The following VPS13A variants were observed in gnomAD, a reference collection of about 807,000 sequenced individuals.
The protein encoded by VPS13A is intermembrane lipid transfer protein VPS13A.
Under a neutral mutation model 390.9 loss-of-function variants are expected in VPS13A, and 264 were observed. The ratio of observed to expected loss-of-function variants is 0.68; its 90% CI spans 0.61 to 0.75. The LOEUF (loss-of-function observed/expected upper bound fraction) is 0.75. VPS13A is among the 30% of genes least tolerant of loss of function. The pLI is 0.00. For synonymous variants in VPS13A, 1,231 were observed against 1,227.1 expected (o/e 1.00, Z -0.07); for missense variants, 3,409 against 3,733.9 (o/e 0.91, Z 2.27).
At chr9:77,291,306 C>T (rs536611946) in intron 31 of VPS13A, among the ~76,000 whole-genome samples, 45 of 152,242 alleles carry the variant, frequency 3.0e-4, no homozygotes, top group Non-Finnish European at 5.0e-4. Flanking sequence ...CACCCTCCAA[C>T]CCCCCAGCCC....
intron 1 of VPS13A, among the ~76,000 whole-genome samples, chr9:77,197,979 A>G (rs1825101257): frequency 6.6e-6 from 1 of 152,198 alleles, no homozygotes; most frequent in Non-Finnish European, 1.5e-5. Context: ...CCATTAATTC[A>G]GTGAAAATAC....
chr9:77,232,224 A>G (rs1823870385), intron 17 of VPS13A, among the ~76,000 whole-genome samples: 1 of 152,084 alleles, frequency 6.6e-6, no homozygotes, highest in Non-Finnish European at 1.5e-5. Context: ...CTGCTCTTTC[A>G]AGAATGTTTT....
At position 77,393,930 on chromosome 9, in the gene VPS13A, G is replaced by T. The variant is rs192762169; in HGVS notation, c.9190-9306G>T. 3.5e-4 allele frequency among the ~76,000 whole-genome samples: 53 copies of T among 152,176 alleles called. 1 individual carries two copies. The East Asian group carries it at 0.01, about 30-fold the overall frequency. On this transcript the variant is annotated intron_variant, in intron 68 of 71. Coordinates refer to ENST00000360280, the MANE Select transcript of VPS13A (RefSeq NM_033305.3). ...ATTACAGGCGCCTGCCACAACATGG[G>T]CTAATTTTCATATTTTTAGTAGAGA...
Position 77,405,728 on chromosome 9 carries a change from A to G in VPS13A, c.9276-136A>G, listed in dbSNP as rs1834569372. ...CACTTTATGGTTCCAGTTCTTTTAAATTCATTAAGAATATAGAATATAGTC... is the reference window on the plus strand; with the variant it reads ...CACTTTATGGTTCCAGTTCTTTTAAGTTCATTAAGAATATAGAATATAGTC... On this transcript the variant is annotated intron_variant, in intron 69 of 71. Coordinates refer to ENST00000360280, the MANE Select transcript of VPS13A (RefSeq NM_033305.3). 6 of 1,182,176 alleles carry G rather than the reference A, an allele frequency of 5.1e-6. No homozygotes were observed. In the Admixed American group the frequency reaches 8.6e-5, roughly 17 times the overall value. The allele number at this position is 1,182,176 out of a possible 1,614,324, so 73.2% of individuals were successfully genotyped here. A position where few individuals can be genotyped will look rare whatever the true frequency, so the allele number is the denominator to read the frequency against.
intron 41 of VPS13A, among the ~76,000 whole-genome samples, chr9:77,319,037 C>T (rs558872778): frequency 2.0e-4 from 30 of 151,622 alleles, no homozygotes; most frequent in African/African-American, 6.0e-4. Flanking sequence ...ACTAAAAATA[C>T]AAAAAATTAG....
chr9:77,353,668 T>C (rs1213264347), intron 54 of VPS13A, 27 bp downstream of exon 54: 1 of 1,557,460 alleles, frequency 6.4e-7, no homozygotes, highest in Admixed American at 1.7e-5. Context: ...TTTGGATACA[T>C]TTAAATGATC....
chr9:77,418,288 A>ATTAT lies in VPS13A; in HGVS notation c.*2285_*2288dup, dbSNP rs1835233882. On this transcript the variant is annotated 3_prime_UTR_variant, in exon 72 of 72. Transcript: ENST00000360280. ...GTTGAGTCTTGTGCCCCTTCCATGT[A>ATTAT]TTATTTGCTAACTAACTATATTACT... The ATTAT allele has an allele frequency of 6.6e-6, 1 of 152,100 alleles. No homozygotes were observed. Among genetic ancestry groups the ATTAT allele is most frequent in the African/African-American group, 2.4e-5 (1 of 41,424 alleles). The allele number at this position is 152,100 out of a possible 1,614,324, so 9.4% of individuals were successfully genotyped here. A position where few individuals can be genotyped will look rare whatever the true frequency, so the allele number is the denominator to read the frequency against.
Position 77,225,958 on chromosome 9 carries a change from A to G in VPS13A, c.1194A>G (p.Ile398Met), listed in dbSNP as rs1405485475. The G allele has an allele frequency of 6.2e-7, 1 of 1,612,318 alleles. No individual in the cohort carries two copies. The highest frequency in any genetic ancestry group is 1.3e-5 in the African/African-American group (1 of 74,996). Residue 398 changes from isoleucine (I) to methionine (M), a missense_variant, in exon 14 of 72, where the codon ATA (isoleucine) becomes ATG (methionine). Ile to Met is a conservative substitution (Grantham distance 10, BLOSUM62 1). This residue lies in a region of VPS13A where 2,717 missense variants were observed against 2,917.4 expected (regional missense o/e 0.93). Coordinates refer to ENST00000360280, the MANE Select transcript of VPS13A (RefSeq NM_033305.3). ...ELEKTLDVFN[I>M]TIARQTAEVE... ...AAAAAACCTTGGATGTCTTTAATAT[A>G]ACTATAGCTAGACAGACGGCAGAAG...
intron 12 of VPS13A, 60 bp downstream of exon 12, chr9:77,220,443 T>G: frequency 8.6e-7 from 1 of 1,168,528 alleles, no homozygotes; most frequent in South Asian, 1.4e-5. Context: ...AAAATAAATT[T>G]CTCGACTTCA....
chr9:77,199,256 T>C (rs1825186003), intron 1 of VPS13A, among the ~76,000 whole-genome samples: 1 of 152,186 alleles, frequency 6.6e-6, no homozygotes. Context: ...CAGGCTGGAC[T>C]TCTAGGCTTG....
At chr9:77,300,723 CTG>C (rs1388621399) in intron 33 of VPS13A, among the ~76,000 whole-genome samples, 1 of 152,186 alleles carries the variant, frequency 6.6e-6, no homozygotes, top group African/African-American at 2.4e-5. Context: ...CAAAATGAGA[CTG>C]TCTCAAAAAA....
intron 59 of VPS13A, among the ~76,000 whole-genome samples, chr9:77,361,519 G>A (rs1267414752): frequency 6.6e-6 from 1 of 151,956 alleles, no homozygotes; most frequent in Non-Finnish European, 1.5e-5. Context: ...ACACATTTTG[G>A]CTTTTATGGA....
chr9:77,396,243 T>G (rs1017377504), intron 68 of VPS13A, among the ~76,000 whole-genome samples: 13 of 152,208 alleles, frequency 8.5e-5, no homozygotes, highest in Non-Finnish European at 1.5e-5. Flanking sequence ...TGACAACAAT[T>G]CGTATCTCTT....
At chr9:77,367,015 C>CCT in intron 61 of VPS13A, 143 bp downstream of exon 61, 1 of 692,136 alleles carries the variant, frequency 1.4e-6, no homozygotes, top group South Asian at 2.0e-5. Context: ...GAAGTGCAAT[C>CCT]TGAATAACAC....
At chr9:77,332,570 T>C (rs189129780) in intron 46 of VPS13A, among the ~76,000 whole-genome samples, 58 of 151,892 alleles carry the variant, frequency 3.8e-4, no homozygotes, top group African/African-American at 1.4e-3. Flanking sequence ...AATAGAAGTA[T>C]ATACTATATT....
chr9:77,401,684 C>A (rs557505788), intron 68 of VPS13A, among the ~76,000 whole-genome samples: 1 of 152,168 alleles, frequency 6.6e-6, no homozygotes, highest in South Asian at 2.1e-4. Context: ...CTTAATATTT[C>A]TTAAAACAGT....
chr9:77,244,761 T>C (rs1386630394), intron 19 of VPS13A, among the ~76,000 whole-genome samples: 1 of 151,944 alleles, frequency 6.6e-6, no homozygotes, highest in East Asian at 1.9e-4. Context: ...AATTTGGAGC[T>C]GAGTGAGGAA....
rs149420498 is a variant in VPS13A at position 77,310,269 on chromosome 9, A to G, written c.4114+2171A>G. ...CTGAAAAGGAATCTCCAAATTATCTATGTGAATAGGCTAGAAATTAACTGG... is the reference window on the plus strand; with the variant it reads ...CTGAAAAGGAATCTCCAAATTATCTGTGTGAATAGGCTAGAAATTAACTGG... On this transcript the variant is annotated intron_variant, in intron 35 of 71. Transcript: ENST00000360280. Among the ~76,000 whole-genome samples, 874 of 152,266 alleles carry G rather than the reference A, an allele frequency of 5.7e-3. 12 individuals carry two copies. The highest frequency in any genetic ancestry group is 0.02 in the African/African-American group (843 of 41,556).
intron 17 of VPS13A, among the ~76,000 whole-genome samples, chr9:77,233,386 G>C (rs1255306218): frequency 6.6e-6 from 1 of 150,492 alleles, no homozygotes; most frequent in East Asian, 2.0e-4. Flanking sequence ...TGGTGTTTTT[G>C]TTTTCTGTAT....
Sources: gnomAD v4.1 joint callset for allele counts (sites outside exome capture counted in the v4.1 genomes callset) on GRCh38, gnomAD v4.1.1 for gene constraint, gnomAD v4.1.1 regional missense constraint, MANE v1.5 for transcripts, NCBI Gene and HGNC (gene_info 2026-07-23, HGNC 2026-07-21) for gene names.